MARCHF1: variants seen among roughly 807,000 people sequenced by gnomAD.
MARCHF1 encodes the protein membrane associated ring-CH-type finger 1, also known as E3 ubiquitin-protein ligase MARCHF1.
A neutral mutation model predicts 54.2 loss-of-function variants in MARCHF1; 40 were observed. The ratio of observed to expected loss-of-function variants is 0.74; its 90% CI spans 0.57 to 0.96. The LOEUF (loss-of-function observed/expected upper bound fraction) is 0.96. Ranked by LOEUF, MARCHF1 falls within the 40% of genes least tolerant of loss-of-function variation. The probability of loss-of-function intolerance (pLI) is 0.00; values close to 1 mark genes in which losing one functional copy is unlikely to be tolerated. For synonymous variants in MARCHF1, 236 were observed against 236.3 expected (o/e 1.00, Z 0.01); for missense variants, 586 against 656.5 (o/e 0.89, Z 1.17).
chr4:164,245,627 G>C (rs1162918405), intron 1 of MARCHF1, among the ~76,000 whole-genome samples: 1 of 151,892 alleles, frequency 6.6e-6, no homozygotes, highest in African/African-American at 2.4e-5. Context: ...AGGAAATAAA[G>C]GGTATTCAAT....
At chr4:163,843,643 G>C (rs1749402650) in intron 4 of MARCHF1, among the ~76,000 whole-genome samples, 1 of 151,938 alleles carries the variant, frequency 6.6e-6, no homozygotes. Flanking sequence ...CCATCACTTA[G>C]GTATTAAGCC....
chr4:163,942,917 A>C (rs1241785563), intron 3 of MARCHF1, among the ~76,000 whole-genome samples: 3 of 152,008 alleles, frequency 2.0e-5, no homozygotes, highest in Admixed American at 2.0e-4. Flanking sequence ...TACTTATTTG[A>C]AGAAAACCTC....
At chr4:164,137,894 G>C (rs1338783329) in intron 1 of MARCHF1, among the ~76,000 whole-genome samples, 1 of 152,282 alleles carries the variant, frequency 6.6e-6, no homozygotes, top group South Asian at 2.1e-4. Context: ...TTATTGTGAG[G>C]TTCTTTGAGC....
intron 4 of MARCHF1, among the ~76,000 whole-genome samples, chr4:163,735,413 T>G (rs1223695436): frequency 6.6e-6 from 1 of 152,218 alleles, no homozygotes; most frequent in Non-Finnish European, 1.5e-5. Context: ...CAATAAAGAT[T>G]TATTGACACA....
At chr4:164,112,769 AAAC>A in intron 1 of MARCHF1, among the ~76,000 whole-genome samples, 1 of 152,110 alleles carries the variant, frequency 6.6e-6, no homozygotes, top group Middle Eastern at 3.4e-3. Flanking sequence ...GAAACAACAA[AAAC>A]AACAACAAAA....
intron 2 of MARCHF1, among the ~76,000 whole-genome samples, chr4:164,080,863 T>G (rs1411094568): frequency 2.0e-5 from 3 of 151,908 alleles, no homozygotes; most frequent in Admixed American, 6.6e-5. Context: ...CTTGGTAAAT[T>G]TTGCACATAA....
intron 1 of MARCHF1, among the ~76,000 whole-genome samples, chr4:164,273,217 C>A (rs1334671623): frequency 1.3e-5 from 2 of 151,888 alleles, no homozygotes; most frequent in Admixed American, 1.3e-4. Context: ...ACAATCATGG[C>A]GGAAGACAAA....
chr4:164,219,617 T>C (rs1732032347), intron 1 of MARCHF1, among the ~76,000 whole-genome samples: 1 of 151,890 alleles, frequency 6.6e-6, no homozygotes, highest in Non-Finnish European at 1.5e-5. Context: ...GAAGAGTGTA[T>C]CTAGTTATGC....
chr4:163,780,821 C>T (rs966419303), intron 4 of MARCHF1, among the ~76,000 whole-genome samples: 2 of 152,170 alleles, frequency 1.3e-5, no homozygotes, highest in Non-Finnish European at 2.9e-5. Flanking sequence ...TGTCTGCATA[C>T]GCCCACAGCA....
chr4:164,005,076 A>T (rs920746380), intron 2 of MARCHF1, among the ~76,000 whole-genome samples: 1 of 151,994 alleles, frequency 6.6e-6, no homozygotes, highest in African/African-American at 2.4e-5. Context: ...TAAATAAATC[A>T]AAAGAAAAGT....
chr4:163,641,144 T>C (rs1467311005), intron 5 of MARCHF1, among the ~76,000 whole-genome samples: 1 of 152,178 alleles, frequency 6.6e-6, no homozygotes, highest in Non-Finnish European at 1.5e-5. Flanking sequence ...CAATATGTCA[T>C]TCTTACATTT....
At chr4:164,351,460 C>A (rs1008140420) in intron 1 of MARCHF1, among the ~76,000 whole-genome samples, 1 of 151,056 alleles carries the variant, frequency 6.6e-6, no homozygotes, top group African/African-American at 2.4e-5. Flanking sequence ...GACCCCTGAC[C>A]CCCGAGCAGC....
chr4:164,211,397 C>CATATAT (rs34047038), intron 1 of MARCHF1, among the ~76,000 whole-genome samples: 1 of 146,160 alleles, frequency 6.8e-6, no homozygotes. Flanking sequence ...TACACACACA[C>CATATAT]ATATATATAT....
chr4:163,775,673 TAAG>T (rs1220247365), intron 4 of MARCHF1, among the ~76,000 whole-genome samples: 1 of 152,012 alleles, frequency 6.6e-6, no homozygotes, highest in Non-Finnish European at 1.5e-5. Context: ...TTTAAGATAA[TAAG>T]AAGGCGGCTA....
At chr4:164,363,388 C>A (rs1001823438) in intron 1 of MARCHF1, among the ~76,000 whole-genome samples, 1 of 152,096 alleles carries the variant, frequency 6.6e-6, no homozygotes, top group African/African-American at 2.4e-5. Flanking sequence ...AAATATTTAA[C>A]AAACAGTTGA....
At chr4:163,563,632 T>A (rs919518668) in intron 8 of MARCHF1, among the ~76,000 whole-genome samples, 2 of 152,222 alleles carry the variant, frequency 1.3e-5, no homozygotes, top group African/African-American at 4.8e-5. Flanking sequence ...AGGTGAAAAC[T>A]GAGACCTCAG....
At chr4:164,313,968 C>G (rs547285281) in intron 1 of MARCHF1, among the ~76,000 whole-genome samples, 61 of 152,228 alleles carry the variant, frequency 4.0e-4, no homozygotes, top group Non-Finnish European at 7.9e-4. Flanking sequence ...AGCTGCATCT[C>G]TTTTACTCCA....
chr4:164,300,331 G>A (rs1433587899), intron 1 of MARCHF1, among the ~76,000 whole-genome samples: 1 of 151,920 alleles, frequency 6.6e-6, no homozygotes, highest in Non-Finnish European at 1.5e-5. Flanking sequence ...GTTTATTTCT[G>A]GCCACAGTGA....
intron 5 of MARCHF1, 96 bp from the exon 6 acceptor site, chr4:163,613,489 C>T (rs756007294): frequency 4.3e-6 from 7 of 1,611,556 alleles, no homozygotes; most frequent in Middle Eastern, 1.6e-4. Context: ...TTACAACAAA[C>T]GTGGCTGCTG....
Sources: gnomAD v4.1 joint callset for allele counts (sites outside exome capture counted in the v4.1 genomes callset) on GRCh38, gnomAD v4.1.1 for gene constraint, MANE v1.5 for transcripts, NCBI Gene and HGNC (gene_info 2026-07-23, HGNC 2026-07-21) for gene names.